The following CHODL variants were observed in gnomAD, a reference collection of about 807,000 sequenced individuals.
The protein encoded by CHODL is transmembrane protein MT75.
In CHODL, 29 loss-of-function variants were observed where a neutral mutation model predicts 34.5. The observed-to-expected ratio is 0.84, with a 90% CI of 0.63 to 1.15. The LOEUF (loss-of-function observed/expected upper bound fraction) is 1.15, where lower values mean the gene tolerates loss of function less well. CHODL is among the 50% of genes most tolerant of loss of function. The probability of loss-of-function intolerance (pLI) is 0.00; values close to 1 mark genes in which losing one functional copy is unlikely to be tolerated. For synonymous variants in CHODL, 125 were observed against 116.1 expected (o/e 1.08, Z -0.49); for missense variants, 332 against 332.5 (o/e 1.00, Z 0.01).
At chr21:17,936,229 C>A (rs2063318076) in intron 1 of CHODL, among the ~76,000 whole-genome samples, 1 of 152,064 alleles carries the variant, frequency 6.6e-6, no homozygotes, top group East Asian at 1.9e-4. Flanking sequence ...AGGACAGGAG[C>A]AAAATCTAAA....
At chr21:18,236,129 C>T (rs1018236626) in intron 2 of CHODL, among the ~76,000 whole-genome samples, 20 of 152,030 alleles carry the variant, frequency 1.3e-4, no homozygotes, top group Admixed American at 2.0e-4. Context: ...GCTGGGAAGG[C>T]CTCAGGAAAC....
chr21:17,918,068 A>T (rs1275686219), intron 1 of CHODL, among the ~76,000 whole-genome samples: 1 of 152,172 alleles, frequency 6.6e-6, no homozygotes, highest in Non-Finnish European at 1.5e-5. Context: ...CTGAAACAAG[A>T]CAGGTTTAAA....
chr21:18,227,131 G>T (rs141747551), intron 2 of CHODL, among the ~76,000 whole-genome samples: 150 of 152,046 alleles, frequency 9.9e-4, no homozygotes, highest in African/African-American at 3.5e-3. Context: ...AACTTTTTGG[G>T]GCTTGTTTTG....
At chr21:18,092,282 A>G (rs1247934899) in intron 2 of CHODL, among the ~76,000 whole-genome samples, 2 of 152,186 alleles carry the variant, frequency 1.3e-5, no homozygotes, top group Non-Finnish European at 2.9e-5. Flanking sequence ...ACCTCTGTGA[A>G]TGTGCAAAAA....
At chr21:18,043,424 T>C (rs2064401440) in intron 2 of CHODL, among the ~76,000 whole-genome samples, 1 of 151,982 alleles carries the variant, frequency 6.6e-6, no homozygotes. Context: ...GCTGCCTTAT[T>C]TTCATTGAGC....
chr21:18,224,664 G>T (rs950189687), intron 2 of CHODL, among the ~76,000 whole-genome samples: 1 of 152,062 alleles, frequency 6.6e-6, no homozygotes, highest in Non-Finnish European at 1.5e-5. Flanking sequence ...ATGGATTTAT[G>T]TGTTCTTCCC....
chr21:17,974,853 TAG>T, intron 1 of CHODL, among the ~76,000 whole-genome samples: 1 of 150,764 alleles, frequency 6.6e-6, no homozygotes, highest in East Asian at 1.9e-4. Flanking sequence ...GTCAGGAGAA[TAG>T]AGATTGCCAA....
At chr21:17,962,214 A>T (rs1417639506) in intron 1 of CHODL, among the ~76,000 whole-genome samples, 3 of 152,216 alleles carry the variant, frequency 2.0e-5, no homozygotes, top group African/African-American at 7.2e-5. Context: ...CCTCTTAAAG[A>T]TGTAACCTAA....
At chr21:18,174,135 A>ATATATATATATATATATATATCTTTG (rs2073269957) in intron 2 of CHODL, among the ~76,000 whole-genome samples, 1 of 51,774 alleles carries the variant, frequency 1.9e-5, no homozygotes, top group Non-Finnish European at 4.2e-5. Context: ...ATATATATAT[A>ATATATATATATATATATATATCTTTG]TATATATATA....
At chr21:18,117,740 A>T (rs1378903924) in intron 2 of CHODL, among the ~76,000 whole-genome samples, 1 of 151,724 alleles carries the variant, frequency 6.6e-6, no homozygotes, top group Non-Finnish European at 1.5e-5. Flanking sequence ...GAAATAAATA[A>T]ATAAAACAAT....
chr21:18,032,070 G>T lies in CHODL; in HGVS notation c.-45+4099G>T, dbSNP rs187023657. Among the ~76,000 whole-genome samples, 87 of 152,172 alleles carry T rather than the reference G, an allele frequency of 5.7e-4. 1 individual carries two copies. The highest frequency in any genetic ancestry group is 5.9e-5 in the Non-Finnish European group (4 of 67,978). ...TGATAAACAGAACTCAAACCAGGTAGGGGGAACTTGGGAAGATGTTAGCAA... is the reference window on the plus strand; with the variant it reads ...TGATAAACAGAACTCAAACCAGGTATGGGGAACTTGGGAAGATGTTAGCAA... On this transcript the variant is annotated intron_variant, in intron 2 of 6. Coordinates refer to the CHODL transcript ENST00000400127.
chr21:18,223,699 G>A (rs368642296), intron 2 of CHODL, among the ~76,000 whole-genome samples: 135 of 152,048 alleles, frequency 8.9e-4, no homozygotes, highest in African/African-American at 3.0e-3. Context: ...GCACCAAATG[G>A]CATAATTAAA....
At chr21:18,232,942 G>GATATATATATATATATATAGATAT (rs2073994417) in intron 2 of CHODL, among the ~76,000 whole-genome samples, 1 of 119,424 alleles carries the variant, frequency 8.4e-6, no homozygotes, top group African/African-American at 3.7e-5. Flanking sequence ...ATGATGTTAT[G>GATATATATATATATATATAGATAT]ATATATATAT....
intron 2 of CHODL, among the ~76,000 whole-genome samples, chr21:18,235,054 A>G (rs1000071625): frequency 1.2e-4 from 19 of 152,152 alleles, no homozygotes; most frequent in African/African-American, 3.6e-4. Context: ...TTGCAAAGGC[A>G]GAGAAAATTA....
intron 2 of CHODL, among the ~76,000 whole-genome samples, chr21:18,124,278 G>A (rs2131050): frequency 0.026 from 3,979 of 152,154 alleles, 94 homozygotes; most frequent in African/African-American, 0.061. Context: ...AGTGGGAATC[G>A]CTCCCTCATC....
At chr21:18,181,408 T>TTTGTTC (rs1167336069) in intron 2 of CHODL, among the ~76,000 whole-genome samples, 38 of 152,340 alleles carry the variant, frequency 2.5e-4, no homozygotes, top group African/African-American at 8.7e-4. Flanking sequence ...TGTTTTTGTT[T>TTTGTTC]TTGTTTCTGT....
At chr21:18,010,099 C>A (rs1256211255) in intron 1 of CHODL, among the ~76,000 whole-genome samples, 1 of 101,502 alleles carries the variant, frequency 9.9e-6, no homozygotes, top group Non-Finnish European at 1.9e-5. Flanking sequence ...CAGGGTGAAA[C>A]CCCGTCTCTA....
intron 2 of CHODL, among the ~76,000 whole-genome samples, chr21:18,062,025 G>A (rs567669271): frequency 3.3e-5 from 5 of 152,294 alleles, no homozygotes; most frequent in African/African-American, 1.2e-4. Flanking sequence ...ATTAAATCTG[G>A]TTAGGAGACA....
intron 1 of CHODL, among the ~76,000 whole-genome samples, chr21:18,252,231 T>C (rs1251319134): frequency 6.6e-6 from 1 of 152,122 alleles, no homozygotes; most frequent in Admixed American, 6.6e-5. Context: ...CTTAGTGTAA[T>C]AGAACCCGTT....
Sources: allele counts gnomAD v4.1 joint callset (sites outside exome capture counted in the v4.1 genomes callset), GRCh38; gene constraint gnomAD v4.1.1; transcripts MANE v1.5; gene names NCBI Gene and HGNC (gene_info 2026-07-23, HGNC 2026-07-21).